The following SHANK2 variants were observed in gnomAD, a reference collection of about 807,000 sequenced individuals.
The protein encoded by SHANK2 is SH3 and multiple ankyrin repeat domains protein 2.
A neutral mutation model predicts 133.7 loss-of-function variants in SHANK2; 43 were observed. The ratio of observed to expected loss-of-function variants is 0.32; its 90% CI spans 0.25 to 0.41. The LOEUF (loss-of-function observed/expected upper bound fraction) is 0.41, where lower values mean the gene tolerates loss of function less well. SHANK2 is among the 10% of genes least tolerant of loss of function. SHANK2 has a pLI of 1.00. For synonymous variants in SHANK2, 1,017 were observed against 952.8 expected (o/e 1.07, Z -1.24); for missense variants, 1,994 against 2,235.8 (o/e 0.89, Z 2.18).
At chr11:71,243,018 G>A (rs2135813850) in intron 1 of SHANK2, among the ~76,000 whole-genome samples, 1 of 152,296 alleles carries the variant, frequency 6.6e-6, no homozygotes, top group South Asian at 2.1e-4. Context: ...TGAAACGAGT[G>A]AAAAAGAAGA....
chr11:70,869,437 C>T (rs1555069737), intron 11 of SHANK2, among the ~76,000 whole-genome samples: 1 of 152,220 alleles, frequency 6.6e-6, no homozygotes, highest in African/African-American at 2.4e-5. Flanking sequence ...CAGAACTCCA[C>T]ACATCCCATA....
chr11:71,078,747 G>A (rs1478829718), intron 8 of SHANK2, among the ~76,000 whole-genome samples: 1 of 152,226 alleles, frequency 6.6e-6, no homozygotes, highest in Non-Finnish European at 1.5e-5. Context: ...CGACTCAGAA[G>A]TTACCACCCT....
intron 11 of SHANK2, among the ~76,000 whole-genome samples, chr11:70,867,611 C>A (rs1419120036): frequency 1.3e-5 from 2 of 152,198 alleles, no homozygotes; most frequent in African/African-American, 4.8e-5. Flanking sequence ...CAGCCATGTT[C>A]CCTCTTGAGA....
intron 10 of SHANK2, among the ~76,000 whole-genome samples, chr11:70,920,371 G>C (rs1448785930): frequency 1.3e-5 from 2 of 152,204 alleles, no homozygotes; most frequent in African/African-American, 4.8e-5. Context: ...GGGTTTACAA[G>C]TGTGAACTGC....
rs147824012 is a variant in SHANK2 at position 70,885,758 on chromosome 11, C to T, written c.1174+10743G>A. 3.1e-3 allele frequency among the ~76,000 whole-genome samples: 477 copies of T among 152,228 alleles called. 3 individuals carry two copies. The highest frequency in any genetic ancestry group is 0.011 in the African/African-American group (442 of 41,550). ...AGCATTCGGGGCAGGCCACACAAGACGGCTGATCCTCCAGCGGACACTCCC... is the reference window on the plus strand; with the variant it reads ...AGCATTCGGGGCAGGCCACACAAGATGGCTGATCCTCCAGCGGACACTCCC... On this transcript the variant is annotated intron_variant, in intron 11 of 25. Coordinates refer to ENST00000601538, the MANE Select transcript of SHANK2 (RefSeq NM_012309.5).
chr11:70,885,560 G>C (rs1555073280), intron 11 of SHANK2, among the ~76,000 whole-genome samples: 1 of 152,232 alleles, frequency 6.6e-6, no homozygotes, highest in Non-Finnish European at 1.5e-5. Flanking sequence ...GCTCCAGTGA[G>C]TAAAGGGGCT....
At chr11:70,632,890 T>C (rs552832) in intron 17 of SHANK2, among the ~76,000 whole-genome samples, 150,461 of 152,288 alleles carry the variant, frequency 0.99, 74,355 homozygotes, top group Middle Eastern at 1. Flanking sequence ...AGATGAGGGC[T>C]TGGGAAGCTG....
At chr11:71,093,462 T>G (rs1424331607) in intron 7 of SHANK2, among the ~76,000 whole-genome samples, 3 of 151,958 alleles carry the variant, frequency 2.0e-5, no homozygotes, top group Non-Finnish European at 4.4e-5. Context: ...TGGGAGGTGA[T>G]GGGTCATGGG....
intron 11 of SHANK2, among the ~76,000 whole-genome samples, chr11:70,851,666 T>A (rs1429984521): frequency 6.6e-6 from 1 of 152,208 alleles, no homozygotes; most frequent in Non-Finnish European, 1.5e-5. Flanking sequence ...TGGACTTTTA[T>A]GGAAAAGACA....
rs1953421187 is a variant in SHANK2, at chr11:71,175,556, GAGAGAGAGAGAGAGAGAGAGA to G, written c.-12-28239_-12-28219del. Among the ~76,000 whole-genome samples the G allele has an allele frequency of 1.5e-4, 9 of 58,564 alleles. No individual in the cohort carries two copies. The highest frequency in any genetic ancestry group is 1.8e-4 in the Non-Finnish European group (6 of 32,726). The allele number at this position is 58,564 out of a possible 152,430, so 38.4% of individuals were successfully genotyped here. On this transcript the variant is annotated intron_variant, in intron 2 of 25. Transcript: ENST00000601538. The surrounding 1 kb of genome is among the most constrained non-coding windows in gnomAD (Gnocchi z 4.2). ...AGACAGAGGGAGAGGGAGAGGGAGA[GAGAGAGAGAGAGAGAGAGAGA>G]GAGAGAGAGAGAGAGAGAGAGAGAG...
Position 71,216,149 on chromosome 11 carries a change from G to A in SHANK2, c.-13+8548C>T, listed in dbSNP as rs370510235. The stretch of plus-strand genomic sequence containing the variant: ...ATCTACCCGAGAGAAACGAAATCGC[G>A]TCCACACAAAAGCCTGTACAAGAAT... On this transcript the variant is annotated intron_variant, in intron 2 of 25. Transcript: ENST00000601538. Among the ~76,000 whole-genome samples, 27 of 152,284 alleles carry A rather than the reference G, an allele frequency of 1.8e-4. 1 individual carries two copies. The South Asian group carries it at 2.7e-3, about 15-fold the overall frequency.
rs78824744 is a variant in SHANK2 at position 70,923,940 on chromosome 11, C to A, written c.1108-27373G>T. ...GACATCCAGCCTATAAGAATGCAGACCGGTGAACCACTGCCCAGTGATGGC... is the reference window on the plus strand; with the variant it reads ...GACATCCAGCCTATAAGAATGCAGAACGGTGAACCACTGCCCAGTGATGGC... On this transcript the variant is annotated intron_variant, in intron 10 of 25. Coordinates refer to ENST00000601538, the MANE Select transcript of SHANK2 (RefSeq NM_012309.5). Among the ~76,000 whole-genome samples, 439 of 152,290 alleles carry A rather than the reference C, an allele frequency of 2.9e-3. 3 individuals carry two copies. The highest frequency in any genetic ancestry group is 0.01 in the African/African-American group (420 of 41,552).
chr11:70,781,054 C>T (rs731616), intron 14 of SHANK2, among the ~76,000 whole-genome samples: 111,424 of 151,856 alleles, frequency 0.73, 43,356 homozygotes, highest in East Asian at 0.98. Context: ...GTGTTTGTGT[C>T]GGTTCTCTGT....
chr11:70,490,631 C>T (rs1555155599), intron 22 of SHANK2, among the ~76,000 whole-genome samples: 1 of 152,274 alleles, frequency 6.6e-6, no homozygotes, highest in African/African-American at 2.4e-5. Flanking sequence ...AGGATGGCAG[C>T]ATGCCCTGTT....
intron 8 of SHANK2, among the ~76,000 whole-genome samples, chr11:71,086,409 TAATA>T (rs1414084971): frequency 7.6e-6 from 1 of 131,746 alleles, no homozygotes; most frequent in Non-Finnish European, 1.5e-5. Flanking sequence ...ATATTATTTA[TAATA>T]TATAATACAT....
At chr11:71,170,890 T>C (rs534195695) in intron 2 of SHANK2, among the ~76,000 whole-genome samples, 1 of 152,366 alleles carries the variant, frequency 6.6e-6, no homozygotes, top group East Asian at 1.9e-4. Flanking sequence ...CTGATGTCGC[T>C]GGCAGGGGGT....
chr11:71,223,140 C>T (rs542539451), intron 2 of SHANK2, among the ~76,000 whole-genome samples: 25 of 152,286 alleles, frequency 1.6e-4, no homozygotes, highest in Admixed American at 6.5e-4. Flanking sequence ...GCATTTCAGA[C>T]GGGATTGGTG....
intron 17 of SHANK2, among the ~76,000 whole-genome samples, chr11:70,530,936 C>T (rs1234621607): frequency 1.3e-5 from 2 of 151,746 alleles, no homozygotes; most frequent in African/African-American, 2.4e-5. Context: ...GAGGCCGAGG[C>T]GGGTGGATCG....
intron 10 of SHANK2, among the ~76,000 whole-genome samples, chr11:70,922,175 T>G (rs558481463): frequency 6.6e-6 from 1 of 152,104 alleles, no homozygotes; most frequent in African/African-American, 2.4e-5. Flanking sequence ...TCGGATTACA[T>G]GTAGGAGATG....
Sources: gnomAD v4.1 joint callset for allele counts (sites outside exome capture counted in the v4.1 genomes callset) on GRCh38, gnomAD v4.1.1 for gene constraint, Gnocchi (gnomAD v3.1) non-coding constraint, MANE v1.5 for transcripts, NCBI Gene and HGNC (gene_info 2026-07-23, HGNC 2026-07-21) for gene names.